Variants in CAST observed in about 807,000 individuals in gnomAD.
The protein encoded by CAST is calpastatin.
Under a neutral mutation model 119.6 loss-of-function variants are expected in CAST, and 76 were observed. The ratio of observed to expected loss-of-function variants is 0.64; its 90% CI spans 0.53 to 0.77. CAST has a LOEUF of 0.77. Ranked by LOEUF, CAST falls within the 30% of genes least tolerant of loss-of-function variation. The pLI is 0.00. For missense variants in CAST, 953 were observed against 946.5 expected, an observed-to-expected ratio of 1.01 and a Z score of -0.09; for synonymous variants, 319 against 331.6, an observed-to-expected ratio of 0.96 and a Z score of 0.41.
At chr5:96,309,075 A>T in the CAST span, among the ~76,000 whole-genome samples, 13 of 152,032 alleles carry the variant, frequency 8.6e-5, no homozygotes, top group Non-Finnish European at 1.8e-4. Context: ...CTTCCCCCAG[A>T]TGCTTTGTCC....
At chr5:96,012,522 A>G in the CAST span, among the ~76,000 whole-genome samples, 1 of 152,130 alleles carries the variant, frequency 6.6e-6, no homozygotes, top group African/African-American at 2.4e-5. Flanking sequence ...CATCCTATGA[A>G]TTTTTAAGTC....
chr5:96,419,091 T>C, the CAST span, among the ~76,000 whole-genome samples: 3 of 152,036 alleles, frequency 2.0e-5, no homozygotes, highest in Admixed American at 6.6e-5. Context: ...TTAAGCCATA[T>C]ATATACATAT....
At chr5:96,137,012 T>A in the CAST span, among the ~76,000 whole-genome samples, 1 of 152,194 alleles carries the variant, frequency 6.6e-6, no homozygotes, top group African/African-American at 2.4e-5. Flanking sequence ...CTTTGTCACA[T>A]TCTGCAGGCT....
At chr5:96,276,143 G>A in the CAST span, among the ~76,000 whole-genome samples, 3 of 152,122 alleles carry the variant, frequency 2.0e-5, no homozygotes, top group Non-Finnish European at 4.4e-5. Flanking sequence ...AATCCTTAGA[G>A]TGTTTCAACG....
rs569455563 is a variant in CAST, at chr5:96,650,668, G to A, written c.61-24871G>A. On this transcript the variant is annotated intron_variant, in intron 1 of 11. Coordinates refer to the CAST transcript ENST00000505143. ...GCTCTCCCCTTCACTTTCTCTACCC[G>A]GCAGCCTAAGATGTACTTTCCATAT... Among the ~76,000 whole-genome samples, 11 of 151,442 alleles carry A rather than the reference G, an allele frequency of 7.3e-5. No individual in the cohort carries two copies. In the South Asian group the frequency reaches 2.1e-3, roughly 29 times the overall value.
the CAST span, among the ~76,000 whole-genome samples, chr5:96,393,652 G>A: frequency 6.6e-6 from 1 of 152,208 alleles, no homozygotes; most frequent in East Asian, 1.9e-4. Flanking sequence ...AAGACTAGAT[G>A]AGACTGTATA....
chr5:96,440,174 C>CTT, the CAST span, among the ~76,000 whole-genome samples: 278 of 143,316 alleles, frequency 1.9e-3, 1 homozygote, highest in South Asian at 5.8e-3. Context: ...TTTATCCCAC[C>CTT]TTTTTTTTTT....
At chr5:96,292,495 C>G in the CAST span, among the ~76,000 whole-genome samples, 2 of 152,132 alleles carry the variant, frequency 1.3e-5, no homozygotes, top group East Asian at 3.9e-4. Context: ...AGCTCTACCC[C>G]CAACAAGCCC....
At chr5:96,430,902 C>G in the CAST span, among the ~76,000 whole-genome samples, 1 of 152,200 alleles carries the variant, frequency 6.6e-6, no homozygotes, top group East Asian at 1.9e-4. Context: ...TTGTTTTTTA[C>G]TATTAAGATT....
intron 5 of CAST, among the ~76,000 whole-genome samples, chr5:96,727,255 T>C (rs1251460724): frequency 6.6e-6 from 1 of 152,234 alleles, no homozygotes; most frequent in African/African-American, 2.4e-5. Context: ...CAAGGAGATA[T>C]AAATTGCTCC....
chr5:96,630,943 A>AAT (rs544920562), intron 1 of CAST: 3 of 119,318 alleles, frequency 2.5e-5, no homozygotes, highest in African/African-American at 8.2e-5. Context: ...ACTAAAAAAA[A>AAT]TTTTTTTAAA....
intron 9 of CAST, among the ~76,000 whole-genome samples, chr5:96,735,090 C>T (rs1295693815): frequency 1.3e-5 from 2 of 152,112 alleles, no homozygotes; most frequent in Non-Finnish European, 2.9e-5. Context: ...AGGCTCACAC[C>T]CTAGTGGCCC....
At chr5:96,743,872 C>A (rs1763201061) in intron 16 of CAST, 1 of 642,722 alleles carries the variant, frequency 1.6e-6, no homozygotes, top group Non-Finnish European at 2.6e-6. Context: ...TGGGGGGAGT[C>A]AGGAGGCCAA....
At chr5:96,356,364 T>G in the CAST span, among the ~76,000 whole-genome samples, 3 of 152,220 alleles carry the variant, frequency 2.0e-5, no homozygotes, top group Admixed American at 2.0e-4. Flanking sequence ...AATTTTGGCT[T>G]TTGTTGCAAT....
chr5:95,974,721 T>G, the CAST span, among the ~76,000 whole-genome samples: 2 of 152,204 alleles, frequency 1.3e-5, no homozygotes, highest in Non-Finnish European at 2.9e-5. Context: ...TTTTGTCATT[T>G]CCTTACTCTG....
chr5:96,671,697 T>C (rs1026092756), intron 1 of CAST, among the ~76,000 whole-genome samples: 1 of 152,176 alleles, frequency 6.6e-6, no homozygotes, highest in Non-Finnish European at 1.5e-5. Flanking sequence ...TGTAATTAGT[T>C]TTGTGGTTCA....
At chr5:96,502,152 C>T in the CAST span, among the ~76,000 whole-genome samples, 1 of 152,164 alleles carries the variant, frequency 6.6e-6, no homozygotes, top group Non-Finnish European at 1.5e-5. Context: ...TCTCTCACAG[C>T]ACTCATAACA....
chr5:96,541,261 C>T (rs1745907213), intron 1 of CAST, among the ~76,000 whole-genome samples: 1 of 152,014 alleles, frequency 6.6e-6, no homozygotes, highest in Non-Finnish European at 1.5e-5. Flanking sequence ...ATTGTTCCAG[C>T]TTTGGCTACT....
At chr5:96,059,816 C>A in the CAST span, among the ~76,000 whole-genome samples, 29 of 152,070 alleles carry the variant, frequency 1.9e-4, no homozygotes, top group Admixed American at 2.6e-4. Context: ...CAAGTGGAAG[C>A]CTCTGAAAAT....
Sources: allele counts gnomAD v4.1 joint callset (sites outside exome capture counted in the v4.1 genomes callset), GRCh38; gene constraint gnomAD v4.1.1; transcripts MANE v1.5; gene names NCBI Gene and HGNC (gene_info 2026-07-23, HGNC 2026-07-21).